Variants in RABEPK observed in about 807,000 individuals in gnomAD.
RABEPK encodes the protein Rab9 effector protein with kelch motifs.
Under a neutral mutation model 34.1 loss-of-function variants are expected in RABEPK, and 27 were observed. That is an observed-to-expected ratio of 0.79 (90% CI 0.58 to 1.09). The LOEUF (loss-of-function observed/expected upper bound fraction) is 1.09, where lower values mean the gene tolerates loss of function less well. Ranked by LOEUF, RABEPK falls within the 50% of genes least tolerant of loss-of-function variation. The pLI is 0.00. For synonymous variants in RABEPK, 172 were observed against 169.2 expected (o/e 1.02, Z -0.13); for missense variants, 449 against 462.6 (o/e 0.97, Z 0.27).
At chr9:125,202,587 T>C (rs1829979120) in intron 1 of RABEPK, among the ~76,000 whole-genome samples, 1 of 152,070 alleles carries the variant, frequency 6.6e-6, no homozygotes, top group African/African-American at 2.4e-5. Context: ...CCCAGCACTT[T>C]GGGAGGCTGA....
chr9:125,200,841 C>T lies in RABEPK; in HGVS notation c.-72C>T. The T allele has an allele frequency of 2.1e-6, 1 of 471,238 alleles. No homozygotes were observed. Among genetic ancestry groups the T allele is most frequent in the South Asian group, 1.5e-5 (1 of 64,578 alleles). 29.2% of individuals were successfully genotyped at this position (471,238 alleles called of 1,614,324 possible). On this transcript the variant is annotated 5_prime_UTR_variant, in exon 1 of 8. Coordinates refer to ENST00000373538, the MANE Select transcript of RABEPK (RefSeq NM_005833.4). ...GCGGCGGCTGCTGCGGGAGGTCCCGCCCACGTGAAGCCAGCCTAACTGAGC... is the reference window on the plus strand; with the variant it reads ...GCGGCGGCTGCTGCGGGAGGTCCCGTCCACGTGAAGCCAGCCTAACTGAGC...
chr9:125,232,255 G>C (rs1456440753), intron 6 of RABEPK, among the ~76,000 whole-genome samples: 2 of 151,034 alleles, frequency 1.3e-5, no homozygotes. Flanking sequence ...CAGAGACAGA[G>C]AGAGAGAGAG....
At chr9:125,211,151 G>A (rs1467323806) in intron 3 of RABEPK, among the ~76,000 whole-genome samples, 2 of 150,530 alleles carry the variant, frequency 1.3e-5, no homozygotes, top group Non-Finnish European at 3.0e-5. Context: ...GCAGGAGAAT[G>A]GCATGAACCC....
intron 5 of RABEPK, among the ~76,000 whole-genome samples, chr9:125,223,280 A>G (rs1831484800): frequency 6.6e-6 from 1 of 151,908 alleles, no homozygotes; most frequent in Admixed American, 6.6e-5. Context: ...TCTACTAAAA[A>G]TACAAAAAAT....
In RABEPK at chr9:125,233,329, GTTTTTT is replaced by G. The variant is rs1233648822; in HGVS notation, c.827-341_827-336del. Among the ~76,000 whole-genome samples the G allele has an allele frequency of 3.7e-5, 3 of 81,884 alleles. No homozygotes were observed. The South Asian group carries it at 1.4e-3, about 38-fold the overall frequency. The allele number at this position is 81,884 out of a possible 152,430, so 53.7% of individuals were successfully genotyped here. A position where few individuals can be genotyped will look rare whatever the true frequency, so the allele number is the denominator to read the frequency against. On this transcript the variant is annotated intron_variant, in intron 7 of 7. Transcript: ENST00000373538. The stretch of plus-strand genomic sequence containing the variant: ...TTTTGGCTTTCACTATCTGGAAATT[GTTTTTT>G]TTTTTTTTTTTTTTTTTGTCTGAGA...
In RABEPK at chr9:125,233,910, G is replaced by T. The variant is rs1365538245; in HGVS notation, c.1049G>T (p.Cys350Phe). ...GAAAGCCAGACTGCTACACTGCTCTGTTTGGTGTTTGGTGGGATGAATACA... is the reference window on the plus strand; with the variant it reads ...GAAAGCCAGACTGCTACACTGCTCTTTTTGGTGTTTGGTGGGATGAATACA... The part of the protein sequence containing the change: ...HEESQTATLL[C>F]LVFGGMNTEG... Residue 350 changes from cysteine to phenylalanine, a missense_variant, in exon 8 of 8, where the codon TGT (cysteine) becomes TTT (phenylalanine). By Grantham distance (205) the Cys-to-Phe change is radical (BLOSUM62 -2). Coordinates refer to ENST00000373538, the MANE Select transcript of RABEPK (RefSeq NM_005833.4). The T allele has an allele frequency of 6.2e-7, 1 of 1,613,546 alleles. No homozygotes were observed. Among genetic ancestry groups the T allele is most frequent in the Admixed American group, 1.7e-5 (1 of 60,002 alleles).
At chr9:125,224,030 C>A (rs925289526) in intron 5 of RABEPK, among the ~76,000 whole-genome samples, 3 of 151,814 alleles carry the variant, frequency 2.0e-5, no homozygotes, top group African/African-American at 7.3e-5. Flanking sequence ...CCTGTTTCAA[C>A]TGAAAATACA....
At chr9:125,202,986 T>C (rs1260493640) in intron 1 of RABEPK, 22 bp from the exon 2 acceptor site, 43 of 1,607,822 alleles carry the variant, frequency 2.7e-5, no homozygotes, top group Non-Finnish European at 3.6e-5. Flanking sequence ...GTCTAAAAAG[T>C]GCCTTTCTTT....
chr9:125,212,850 A>G (rs1830676764), intron 3 of RABEPK, among the ~76,000 whole-genome samples: 1 of 151,518 alleles, frequency 6.6e-6, no homozygotes, highest in Admixed American at 6.6e-5. Flanking sequence ...TTTGTATTTT[A>G]GTAGAGATGA....
Position 125,200,578 on chromosome 9 carries a change from G to T in RABEPK, c.-335G>T, listed in dbSNP as rs540723331. The T allele has an allele frequency of 3.9e-4, 163 of 419,206 alleles. 3 individuals are homozygous for T. Among genetic ancestry groups the T allele is most frequent in the South Asian group, 2.5e-3 (140 of 57,094 alleles). 26.0% of individuals were successfully genotyped at this position (419,206 alleles called of 1,614,324 possible). A position where few individuals can be genotyped will look rare whatever the true frequency, so the allele number is the denominator to read the frequency against. On this transcript the variant is annotated 5_prime_UTR_variant, in exon 1 of 8. Coordinates refer to ENST00000373538, the MANE Select transcript of RABEPK (RefSeq NM_005833.4). ...TCGCGACTGGCCTAAGTCGCCGCAGGTATTGCAGTCCGGGGCTGGAGGGTA... is the reference window on the plus strand; with the variant it reads ...TCGCGACTGGCCTAAGTCGCCGCAGTTATTGCAGTCCGGGGCTGGAGGGTA...
intron 5 of RABEPK, among the ~76,000 whole-genome samples, 200 bp from the exon 6 acceptor site, chr9:125,227,710 T>C (rs1831861289): frequency 6.6e-6 from 1 of 151,894 alleles, no homozygotes; most frequent in African/African-American, 2.4e-5. Context: ...GGATTACAAC[T>C]GTGAGCCACC....
At chr9:125,216,765 A>T (rs1830954147) in intron 4 of RABEPK, among the ~76,000 whole-genome samples, 1 of 152,162 alleles carries the variant, frequency 6.6e-6, no homozygotes, top group African/African-American at 2.4e-5. Context: ...GTTCCAGACC[A>T]GCCTGGCCAA....
intron 5 of RABEPK, among the ~76,000 whole-genome samples, chr9:125,227,393 A>G (rs2131425627): frequency 6.6e-6 from 1 of 151,852 alleles, no homozygotes; most frequent in South Asian, 2.1e-4. Context: ...CCAGCCCTAG[A>G]AGCATGCACG....
At chr9:125,220,249 G>A (rs778574180) in intron 4 of RABEPK, 44 of 1,268,372 alleles carry the variant, frequency 3.5e-5, no homozygotes, top group Non-Finnish European at 3.6e-5. Context: ...TGATCCGCCC[G>A]CCTTGGCCTC....
intron 1 of RABEPK, 32 bp from the exon 2 acceptor site, chr9:125,202,976 G>A: frequency 1.9e-6 from 3 of 1,584,076 alleles, no homozygotes; most frequent in Non-Finnish European, 2.6e-6. Flanking sequence ...AATCATAAGT[G>A]TCTAAAAAGT....
chr9:125,205,444 G>A (rs1000712704), intron 2 of RABEPK, among the ~76,000 whole-genome samples: 27 of 152,082 alleles, frequency 1.8e-4, no homozygotes, highest in Non-Finnish European at 7.3e-5. Context: ...CAGTTCCTCC[G>A]TTGTAGAACT....
In RABEPK at chr9:125,220,572, GC is replaced by G. The variant is rs546948946; in HGVS notation, c.404del (p.Pro135HisfsTer44). ...TRTWTTPEVT[S>X]PPPSPRTFHT... ...ACGTGGACCACGCCAGAAGTGACCA[GC>G]CCCCCACCATCCCCAAGAACATTCC... On this transcript the variant is annotated frameshift_variant, in exon 5 of 8. Transcript: ENST00000373538. LOFTEE classifies it high-confidence loss of function. The G allele has an allele frequency of 5.5e-3, 8,900 of 1,614,064 alleles. 45 individuals are homozygous for G. The highest frequency in any genetic ancestry group is 0.013 in the Middle Eastern group (76 of 6,062).
chr9:125,233,089 A>AAAG (rs1564202247), intron 7 of RABEPK, among the ~76,000 whole-genome samples: 5 of 151,606 alleles, frequency 3.3e-5, no homozygotes, highest in Non-Finnish European at 2.9e-5. Context: ...AAAAAAAAAA[A>AAAG]AAAGAAAGAA....
Position 125,229,365 on chromosome 9 carries a change from G to A in RABEPK, c.676+1306G>A, listed in dbSNP as rs576021520. Among the ~76,000 whole-genome samples, 4 of 152,186 alleles carry A rather than the reference G, an allele frequency of 2.6e-5. No individual in the cohort carries two copies. The East Asian group carries it at 5.8e-4, about 22-fold the overall frequency. On this transcript the variant is annotated intron_variant, in intron 6 of 7. Transcript: ENST00000373538. Reference sequence around the variant, plus strand: ...GGAGAATCGCTGGAACCTGGGAGGTGGAGGTTGCCGTGAGCTGATTGCACC... The same window carrying A: ...GGAGAATCGCTGGAACCTGGGAGGTAGAGGTTGCCGTGAGCTGATTGCACC...
Sources: gnomAD v4.1 joint callset for allele counts (sites outside exome capture counted in the v4.1 genomes callset) on GRCh38, gnomAD v4.1.1 for gene constraint, MANE v1.5 for transcripts, NCBI Gene and HGNC (gene_info 2026-07-23, HGNC 2026-07-21) for gene names.